MOSPD2: variants seen among roughly 807,000 people sequenced by gnomAD.
MOSPD2 encodes motile sperm domain-containing protein 2.
A neutral mutation model predicts 41.7 loss-of-function variants in MOSPD2; 5 were observed. That is an observed-to-expected ratio of 0.12 (90% CI 0.06 to 0.25). MOSPD2 has a LOEUF of 0.25. Ranked by LOEUF, MOSPD2 falls within the 10% of genes least tolerant of loss-of-function variation. The pLI is 1.00. For synonymous variants in MOSPD2, 115 were observed against 126.9 expected (o/e 0.91, Z 0.63); for missense variants, 282 against 375.2 (o/e 0.75, Z 2.05).
At chrX:14,886,731 C>T (rs1453284221) in intron 2 of MOSPD2, among the ~76,000 whole-genome samples, 2 of 111,735 alleles carry the variant, frequency 1.8e-5, no homozygotes. Flanking sequence ...TATGTAGGAA[C>T]TGGTTACAAA....
At chrX:14,905,517 T>G (rs1202070840) in intron 7 of MOSPD2, among the ~76,000 whole-genome samples, 1 of 110,515 alleles carries the variant, frequency 9.0e-6, no homozygotes, top group Non-Finnish European at 1.9e-5. Context: ...TTTTTTGAGA[T>G]GAGTCTCATT....
intron 2 of MOSPD2, among the ~76,000 whole-genome samples, chrX:14,891,441 G>A (rs1441373983): frequency 2.7e-5 from 3 of 111,049 alleles, no homozygotes; most frequent in African/African-American, 6.5e-5. Context: ...GCCAGAGTCT[G>A]AAAATAGTAA....
intron 2 of MOSPD2, among the ~76,000 whole-genome samples, chrX:14,891,873 AT>A (rs952926948): frequency 1.1e-4 from 12 of 110,064 alleles, no homozygotes; most frequent in Non-Finnish European, 1.7e-4. Flanking sequence ...GGCCTACTTA[AT>A]TTTTTTTTAA....
intron 2 of MOSPD2, among the ~76,000 whole-genome samples, chrX:14,877,549 T>G (rs1401765418): frequency 9.1e-6 from 1 of 109,468 alleles, no homozygotes; most frequent in Non-Finnish European, 1.9e-5. Context: ...TCCATGTTGG[T>G]CAGGCTAGTC....
In MOSPD2 at chrX:14,914,604, AT is replaced by A. The variant is rs2092597124; in HGVS notation, c.1089+6del. 1 of 955,011 alleles carries A rather than the reference AT, an allele frequency of 1.0e-6. No individual in the cohort carries two copies. The highest frequency in any genetic ancestry group is 2.5e-5 in the Admixed American group (1 of 39,751). 78.7% of individuals were successfully genotyped at this position (955,011 alleles called of 1,213,427 possible). ...AAAAATATAGTGGCATTTAAGGTAA[AT>A]ATCTTAAAGATACAATAAATTATGT... On this transcript the variant is annotated splice_donor_region_variant and intron_variant, in intron 11 of 14. Coordinates refer to ENST00000380492, the MANE Select transcript of MOSPD2 (RefSeq NM_152581.4).
In MOSPD2 at chrX:14,922,220, T is replaced by C. The variant is rs1171341660; in HGVS notation, c.*2411T>C. ...TATTTTCAGTATTTTTATTACTATATTGGTATTTTCTTTGTATAAATTGAT... is the reference window on the plus strand; with the variant it reads ...TATTTTCAGTATTTTTATTACTATACTGGTATTTTCTTTGTATAAATTGAT... On this transcript the variant is annotated 3_prime_UTR_variant, in exon 15 of 15. Coordinates refer to ENST00000380492, the MANE Select transcript of MOSPD2 (RefSeq NM_152581.4). 1 of 112,073 alleles carries C rather than the reference T, an allele frequency of 8.9e-6. No individual in the cohort carries two copies. The highest frequency in any genetic ancestry group is 3.2e-5 in the African/African-American group (1 of 30,879). 9.2% of individuals were successfully genotyped at this position (112,073 alleles called of 1,213,427 possible).
At chrX:14,881,685 A>T (rs971907864) in intron 2 of MOSPD2, among the ~76,000 whole-genome samples, 6 of 112,118 alleles carry the variant, frequency 5.4e-5, no homozygotes, top group African/African-American at 1.9e-4. Context: ...ATAAATAAAC[A>T]GACACACTTG....
intron 11 of MOSPD2, among the ~76,000 whole-genome samples, chrX:14,915,268 AAG>A (rs914143333): frequency 3.6e-5 from 4 of 112,292 alleles, no homozygotes; most frequent in African/African-American, 3.2e-5. Flanking sequence ...TGTTTTATTT[AAG>A]AGGGAGTCTG....
chrX:14,894,067 G>T (rs969112103), intron 3 of MOSPD2, among the ~76,000 whole-genome samples: 4 of 111,762 alleles, frequency 3.6e-5, no homozygotes, highest in Non-Finnish European at 7.5e-5. Context: ...CACTCTGTTT[G>T]TTCCTCCTGC....
Position 14,895,361 on chromosome X carries a change from C to T in MOSPD2, c.289C>T (p.Leu97Phe), listed in dbSNP as rs770339586. 8.6e-7 allele frequency: 1 copy of T among 1,157,270 alleles called. No homozygotes were observed. Among genetic ancestry groups the T allele is most frequent in the African/African-American group, 1.8e-5 (1 of 56,041 alleles). The stretch of plus-strand genomic sequence containing the variant: ...GTTATTGGAAATTGGTGTTATTTAT[C>T]TCCATGGTTATGACAAAGAAGGTAA... Reference protein sequence around the residue: ...RWLLEIGVIYLHGYDKEGNKL... With the variant: ...RWLLEIGVIYFHGYDKEGNKL... Residue 97 changes from leucine (L) to phenylalanine (F), a missense_variant, in exon 4 of 15, where the codon CTC becomes TTC. Leu to Phe is a conservative substitution (Grantham distance 22). This residue lies in a region of MOSPD2 where 187 missense variants were observed against 256.6 expected (regional missense o/e 0.73). Coordinates refer to ENST00000380492, the MANE Select transcript of MOSPD2 (RefSeq NM_152581.4).
intron 5 of MOSPD2, 44 bp downstream of exon 5, chrX:14,897,282 T>C (rs904068974): frequency 1.9e-6 from 2 of 1,066,297 alleles, no homozygotes; most frequent in Admixed American, 5.0e-5. Flanking sequence ...TTATCATGGC[T>C]TCCTCCCTTT....
intron 8 of MOSPD2, among the ~76,000 whole-genome samples, chrX:14,910,738 C>T (rs1035970477): frequency 3.6e-5 from 4 of 111,500 alleles, no homozygotes; most frequent in African/African-American, 1.3e-4. Context: ...TTGCCAGCAT[C>T]GCATATTCTC....
intron 6 of MOSPD2, among the ~76,000 whole-genome samples, chrX:14,901,132 A>G (rs2092572425): frequency 8.9e-6 from 1 of 111,994 alleles, no homozygotes; most frequent in Non-Finnish European, 1.9e-5. Flanking sequence ...ACTAGAAGGT[A>G]CTACATTTGA....
At chrX:14,888,200 A>ACACGCG (rs1385431597) in intron 2 of MOSPD2, among the ~76,000 whole-genome samples, 35 of 38,055 alleles carry the variant, frequency 9.2e-4, no homozygotes, top group Middle Eastern at 0.026. Flanking sequence ...ATATATACAC[A>ACACGCG]CACACGCACA....
intron 14 of MOSPD2, among the ~76,000 whole-genome samples, chrX:14,919,439 C>G (rs1276963417): frequency 4.5e-5 from 5 of 111,566 alleles, no homozygotes; most frequent in Non-Finnish European, 9.4e-5. Flanking sequence ...ACTGACTGCT[C>G]TGCTCCTGTC....
At chrX:14,887,676 T>C (rs756276850) in intron 2 of MOSPD2, among the ~76,000 whole-genome samples, 1 of 109,626 alleles carries the variant, frequency 9.1e-6, no homozygotes, top group Non-Finnish European at 1.9e-5. Context: ...GTAAGAGCTA[T>C]AGTTTCTTTA....
chrX:14,904,157 G>A (rs2092577815), intron 7 of MOSPD2, among the ~76,000 whole-genome samples: 1 of 111,552 alleles, frequency 9.0e-6, no homozygotes, highest in South Asian at 3.7e-4. Flanking sequence ...ATTTTATGAG[G>A]CAAGTATAAC....
chrX:14,915,558 TA>T (rs1173269219), intron 11 of MOSPD2, 109 bp from the exon 12 acceptor site: 9 of 363,729 alleles, frequency 2.5e-5, no homozygotes, highest in East Asian at 7.7e-5. Flanking sequence ...ATAATAAAAA[TA>T]AAAAAAATAA....
chrX:14,875,760 T>C (rs910183944), intron 2 of MOSPD2, among the ~76,000 whole-genome samples: 1 of 112,020 alleles, frequency 8.9e-6, no homozygotes, highest in African/African-American at 3.2e-5. Flanking sequence ...CATGGCTTGG[T>C]CCTTTTTTCT....
Sources: gnomAD v4.1 joint callset for allele counts (sites outside exome capture counted in the v4.1 genomes callset) on GRCh38, gnomAD v4.1.1 for gene constraint, gnomAD v4.1.1 regional missense constraint, MANE v1.5 for transcripts, NCBI Gene and HGNC (gene_info 2026-07-23, HGNC 2026-07-21) for gene names.